ZMAT4: variants seen among roughly 807,000 people sequenced by gnomAD.
ZMAT4 encodes the protein zinc finger matrin-type 4.
In ZMAT4, 17 loss-of-function variants were observed where a neutral mutation model predicts 28.7. The ratio of observed to expected loss-of-function variants is 0.59; its 90% CI spans 0.41 to 0.89. The LOEUF is 0.89. Among genes scored for constraint, ZMAT4 ranks in the 40% least tolerant of loss-of-function variants. The pLI is 0.00. For synonymous variants in ZMAT4, 117 were observed against 109.2 expected (o/e 1.07, Z -0.44); for missense variants, 240 against 283.8 (o/e 0.85, Z 1.11).
rs574456984 is a variant in ZMAT4 at position 40,860,019 on chromosome 8, C to T, written c.-4-34339G>A. Among the ~76,000 whole-genome samples, 23 of 152,266 alleles carry T rather than the reference C, an allele frequency of 1.5e-4. No homozygotes were observed. In the South Asian group the frequency reaches 3.1e-3, roughly 21 times the overall value. On this transcript the variant is annotated intron_variant, in intron 1 of 6. Transcript: ENST00000297737. ...TGTAATATGGTCTAGAAAAGGATTC[C>T]GTGTGGCCAGACCCATTAAGGACTA...
At chr8:40,629,781 C>T (rs1390495740) in intron 5 of ZMAT4, among the ~76,000 whole-genome samples, 1 of 152,040 alleles carries the variant, frequency 6.6e-6, no homozygotes, top group East Asian at 1.9e-4. Context: ...GTATATGTGC[C>T]ACATTTTCTT....
chr8:40,818,340 T>C (rs1161049237), intron 2 of ZMAT4, among the ~76,000 whole-genome samples: 3 of 152,128 alleles, frequency 2.0e-5, no homozygotes, highest in Non-Finnish European at 4.4e-5. Flanking sequence ...GAAACAGAAG[T>C]TGAACATTAA....
intron 2 of ZMAT4, among the ~76,000 whole-genome samples, chr8:40,779,066 C>A (rs1232255853): frequency 6.6e-6 from 1 of 152,038 alleles, no homozygotes; most frequent in Non-Finnish European, 1.5e-5. Flanking sequence ...CCCATAATTC[C>A]CATAATTCAT....
Position 40,890,242 on chromosome 8 carries a change from C to T in ZMAT4, c.-5+7441G>A, listed in dbSNP as rs143957784. Among the ~76,000 whole-genome samples the T allele has an allele frequency of 2.8e-3, 433 of 152,324 alleles. 5 individuals carry two copies. Among genetic ancestry groups the T allele is most frequent in the African/African-American group, 0.01 (418 of 41,572 alleles). ...ACCCCTTGAAAGATCCCATTCCCCA[C>T]GTCTCACGAACACCTCCACTGAAGC... On this transcript the variant is annotated intron_variant, in intron 1 of 6. Transcript: ENST00000297737.
chr8:40,680,701 T>C (rs4425738), intron 4 of ZMAT4, among the ~76,000 whole-genome samples: 39,288 of 86,722 alleles, frequency 0.45, 5,976 homozygotes, highest in African/African-American at 0.58. Flanking sequence ...ATGTCTAATG[T>C]ACACACACAC....
At chr8:40,762,470 C>G (rs972273119) in intron 3 of ZMAT4, among the ~76,000 whole-genome samples, 4 of 151,994 alleles carry the variant, frequency 2.6e-5, no homozygotes, top group Admixed American at 1.3e-4. Flanking sequence ...ACCAGGGAAA[C>G]AGCAAGATCC....
chr8:40,757,454 C>T lies in ZMAT4; in HGVS notation c.192+10187G>A, dbSNP rs544918086. ...ACAAAAAATTAGCCGGGCATGATGG[C>T]ACGTGCCTGTAGTCCCAACTACTTG... On this transcript the variant is annotated intron_variant, in intron 3 of 6. Coordinates refer to ENST00000297737, the MANE Select transcript of ZMAT4 (RefSeq NM_024645.3). Among the ~76,000 whole-genome samples the T allele has an allele frequency of 3.7e-4, 56 of 152,052 alleles. No homozygotes were observed. In the South Asian group the frequency reaches 0.011, roughly 29 times the overall value.
At chr8:40,633,159 T>C (rs926625854) in intron 5 of ZMAT4, among the ~76,000 whole-genome samples, 5 of 152,190 alleles carry the variant, frequency 3.3e-5, no homozygotes, top group Non-Finnish European at 5.9e-5. Flanking sequence ...CAAGACCTAA[T>C]TGTACAGTAA....
intron 1 of ZMAT4, among the ~76,000 whole-genome samples, chr8:40,891,652 G>A (rs902318640): frequency 2.0e-5 from 3 of 152,094 alleles, no homozygotes; most frequent in Non-Finnish European, 4.4e-5. Context: ...CGCTGGGCCA[G>A]TTCCTGCAGG....
At chr8:40,545,259 G>C (rs183525636) in intron 6 of ZMAT4, among the ~76,000 whole-genome samples, 2 of 152,212 alleles carry the variant, frequency 1.3e-5, no homozygotes, top group Non-Finnish European at 2.9e-5. Flanking sequence ...GAGAAGCTCA[G>C]AACTAGAGAC....
At chr8:40,729,889 A>T (rs1811465072) in intron 3 of ZMAT4, among the ~76,000 whole-genome samples, 1 of 152,126 alleles carries the variant, frequency 6.6e-6, no homozygotes, top group Admixed American at 6.5e-5. Context: ...GCTTGAGCAT[A>T]TATTTCTTTC....
In ZMAT4 at chr8:40,873,411, C is replaced by T. The variant is rs369699770; in HGVS notation, c.-5+24272G>A. ...GGCAGGGCAGATGTTTCCAAATCAA[C>T]GACAGCCTTCTGTGATGGCCCCACT... On this transcript the variant is annotated intron_variant, in intron 1 of 6. Coordinates refer to ENST00000297737, the MANE Select transcript of ZMAT4 (RefSeq NM_024645.3). Among the ~76,000 whole-genome samples, 18 of 152,270 alleles carry T rather than the reference C, an allele frequency of 1.2e-4. No individual in the cohort carries two copies. In the South Asian group the frequency reaches 2.9e-3, roughly 25 times the overall value.
chr8:40,891,504 C>T (rs1205118732), intron 1 of ZMAT4, among the ~76,000 whole-genome samples: 3 of 152,042 alleles, frequency 2.0e-5, no homozygotes, highest in African/African-American at 7.2e-5. Context: ...TTGAGCCTGT[C>T]TCACACCCTG....
intron 5 of ZMAT4, among the ~76,000 whole-genome samples, chr8:40,636,849 A>T (rs1230548749): frequency 6.6e-6 from 1 of 152,138 alleles, no homozygotes; most frequent in Non-Finnish European, 1.5e-5. Flanking sequence ...CATGAGACAC[A>T]ATTGCCAACT....
chr8:40,789,481 A>G (rs576836783), intron 2 of ZMAT4, among the ~76,000 whole-genome samples: 1 of 152,318 alleles, frequency 6.6e-6, no homozygotes, highest in South Asian at 2.1e-4. Flanking sequence ...CATATATAAA[A>G]ACAAAAATTA....
chr8:40,835,725 C>T (rs558827483), intron 1 of ZMAT4, among the ~76,000 whole-genome samples: 1 of 152,284 alleles, frequency 6.6e-6, no homozygotes, highest in South Asian at 2.1e-4. Flanking sequence ...CAGAGGAAGG[C>T]ACCGACGAGA....
At chr8:40,541,956 G>A (rs1474716817) in intron 6 of ZMAT4, among the ~76,000 whole-genome samples, 1 of 152,194 alleles carries the variant, frequency 6.6e-6, no homozygotes, top group African/African-American at 2.4e-5. Flanking sequence ...TGGCAGGAGT[G>A]GAAAGTTACT....
At chr8:40,788,366 C>T (rs112723030) in intron 2 of ZMAT4, among the ~76,000 whole-genome samples, 5,572 of 152,182 alleles carry the variant, frequency 0.037, 222 homozygotes, top group East Asian at 0.2. Flanking sequence ...AGGCGGATCA[C>T]GAGGTCAGGA....
chr8:40,677,568 G>T (rs1808963855), intron 4 of ZMAT4, among the ~76,000 whole-genome samples: 2 of 152,124 alleles, frequency 1.3e-5, no homozygotes, highest in Admixed American at 1.3e-4. Context: ...GGTGTGGACA[G>T]AACAAATTGT....
Sources: allele counts gnomAD v4.1 joint callset (sites outside exome capture counted in the v4.1 genomes callset), GRCh38; gene constraint gnomAD v4.1.1; transcripts MANE v1.5; gene names NCBI Gene and HGNC (gene_info 2026-07-23, HGNC 2026-07-21).